PDE4D: variants seen among roughly 807,000 people sequenced by gnomAD.
The protein encoded by PDE4D is phosphodiesterase 4D, also known as 3',5'-cyclic-AMP phosphodiesterase 4D.
A neutral mutation model predicts 87.4 loss-of-function variants in PDE4D; 24 were observed. That is an observed-to-expected ratio of 0.27 (90% CI 0.20 to 0.39). PDE4D has a LOEUF of 0.39. Ranked by LOEUF, PDE4D falls within the 10% of genes least tolerant of loss-of-function variation. The pLI, the probability that PDE4D is intolerant of heterozygous loss-of-function variation, is 1.00. For missense variants in PDE4D, 714 were observed against 1,041.0 expected (o/e 0.69, Z 4.32); for synonymous variants, 384 against 383.2 (o/e 1.00, Z -0.02).
chr5:59,338,902 TAA>T (rs1045004246), intron 1 of PDE4D, among the ~76,000 whole-genome samples: 1 of 152,100 alleles, frequency 6.6e-6, no homozygotes. Context: ...CCTCAGAAAA[TAA>T]AAAAAGTAAT....
intron 1 of PDE4D, among the ~76,000 whole-genome samples, chr5:60,209,694 C>T (rs542275982): frequency 1.3e-4 from 20 of 149,088 alleles, no homozygotes; most frequent in African/African-American, 3.2e-4. Flanking sequence ...GAAAGAGAGC[C>T]GGAGGGAGGA....
chr5:58,995,307 C>A (rs1424900401), intron 6 of PDE4D, among the ~76,000 whole-genome samples: 3 of 151,980 alleles, frequency 2.0e-5, no homozygotes, highest in African/African-American at 7.3e-5. Flanking sequence ...CCTTTTATGC[C>A]TTTTTTCTAC....
intron 2 of PDE4D, among the ~76,000 whole-genome samples, chr5:60,093,917 G>A (rs1416921380): frequency 6.6e-6 from 1 of 152,068 alleles, no homozygotes; most frequent in Non-Finnish European, 1.5e-5. Context: ...AATTATCTAT[G>A]GATGGTGAAA....
chr5:59,781,293 T>C (rs1364695364), intron 1 of PDE4D, among the ~76,000 whole-genome samples: 1 of 151,976 alleles, frequency 6.6e-6, no homozygotes. Flanking sequence ...ATGTCTTACT[T>C]AGTGGTTAAG....
intron 1 of PDE4D, among the ~76,000 whole-genome samples, chr5:59,548,724 G>C (rs941894238): frequency 2.0e-5 from 3 of 151,984 alleles, no homozygotes; most frequent in Non-Finnish European, 2.9e-5. Flanking sequence ...TTTGAGCAAA[G>C]GCCTGAAAAA....
intron 1 of PDE4D, among the ~76,000 whole-genome samples, chr5:59,692,656 T>C (rs536099944): frequency 1.3e-5 from 2 of 152,254 alleles, no homozygotes; most frequent in East Asian, 1.9e-4. Flanking sequence ...AGATTCTATG[T>C]TGGCTGAGCT....
At chr5:60,219,098 CTT>C (rs1405560308) in intron 1 of PDE4D, among the ~76,000 whole-genome samples, 1 of 152,084 alleles carries the variant, frequency 6.6e-6, no homozygotes, top group Non-Finnish European at 1.5e-5. Flanking sequence ...GTACAATAAA[CTT>C]GACAAAAAGC....
At chr5:58,990,330 C>T (rs1348025523) in intron 9 of PDE4D, among the ~76,000 whole-genome samples, 2 of 152,138 alleles carry the variant, frequency 1.3e-5, no homozygotes, top group African/African-American at 4.8e-5. Context: ...GCAGCCTCAA[C>T]TTCTCATTTA....
chr5:59,705,581 G>A (rs143359265), intron 1 of PDE4D, among the ~76,000 whole-genome samples: 29 of 152,126 alleles, frequency 1.9e-4, no homozygotes, highest in African/African-American at 6.7e-4. Context: ...TTTAGTTTTT[G>A]TTTCATAACA....
chr5:60,288,178 C>G (rs74709319), intron 1 of PDE4D, among the ~76,000 whole-genome samples: 4,138 of 152,230 alleles, frequency 0.027, 165 homozygotes, highest in African/African-American at 0.095. Flanking sequence ...ATTTTTCCCC[C>G]TCAAATCTGC....
intron 1 of PDE4D, among the ~76,000 whole-genome samples, chr5:59,588,964 A>G (rs951153013): frequency 1.3e-5 from 2 of 152,238 alleles, no homozygotes; most frequent in African/African-American, 4.8e-5. Context: ...ATATTATATT[A>G]GACATTTAAA....
chr5:59,171,917 A>G (rs1335528425), intron 5 of PDE4D, among the ~76,000 whole-genome samples: 2 of 118,764 alleles, frequency 1.7e-5, no homozygotes, highest in Non-Finnish European at 3.2e-5. Context: ...TGAGAAATAC[A>G]TTATATAATA....
intron 1 of PDE4D, among the ~76,000 whole-genome samples, chr5:60,210,381 A>C (rs1032432782): frequency 1.3e-5 from 2 of 152,068 alleles, no homozygotes; most frequent in African/African-American, 4.8e-5. Context: ...TTAAAACCAC[A>C]TGCTAAAATA....
chr5:60,212,177 C>G (rs752666113), intron 1 of PDE4D, among the ~76,000 whole-genome samples: 2 of 151,454 alleles, frequency 1.3e-5, no homozygotes, highest in Non-Finnish European at 2.9e-5. Flanking sequence ...TTTTTTTTCT[C>G]AAGTAACACA....
chr5:60,090,049 C>T (rs1162033893), intron 2 of PDE4D, among the ~76,000 whole-genome samples: 1 of 151,992 alleles, frequency 6.6e-6, no homozygotes, highest in East Asian at 1.9e-4. Flanking sequence ...AAGGAAAGCC[C>T]AGGATCTGAC....
At chr5:59,816,913 T>C (rs904497313) in intron 1 of PDE4D, among the ~76,000 whole-genome samples, 5 of 152,200 alleles carry the variant, frequency 3.3e-5, no homozygotes, top group African/African-American at 9.7e-5. Context: ...AATTTGTTCC[T>C]AGATCCACAG....
chr5:59,515,241 A>C (rs1417987228), intron 1 of PDE4D, among the ~76,000 whole-genome samples: 1 of 152,242 alleles, frequency 6.6e-6, no homozygotes, highest in Admixed American at 6.5e-5. Context: ...ACAAGTAAAG[A>C]ATGCTTGTTC....
intron 2 of PDE4D, among the ~76,000 whole-genome samples, chr5:60,119,183 T>C (rs1778435395): frequency 6.6e-6 from 1 of 152,214 alleles, no homozygotes; most frequent in Non-Finnish European, 1.5e-5. Flanking sequence ...AGTTACTTGA[T>C]GATATTAACC....
chr5:59,282,766 T>C (rs1000616019), intron 1 of PDE4D, among the ~76,000 whole-genome samples: 7 of 152,110 alleles, frequency 4.6e-5, no homozygotes, highest in Non-Finnish European at 1.0e-4. Context: ...AATTGTTTTA[T>C]TAGAAAGTAA....
Sources: gnomAD v4.1 joint callset for allele counts (sites outside exome capture counted in the v4.1 genomes callset) on GRCh38, gnomAD v4.1.1 for gene constraint, MANE v1.5 for transcripts, NCBI Gene and HGNC (gene_info 2026-07-23, HGNC 2026-07-21) for gene names.